Variants in LCMT1 observed in about 807,000 individuals in gnomAD.
The protein encoded by LCMT1 is leucine carboxyl methyltransferase 1, also known as [Phosphatase 2A protein]-leucine-carboxy methyltransferase 1.
A neutral mutation model predicts 47.7 loss-of-function variants in LCMT1; 32 were observed. The observed-to-expected ratio is 0.67, with a 90% CI of 0.51 to 0.90. LCMT1 has a LOEUF of 0.90. LCMT1 is among the 40% of genes least tolerant of loss of function. The pLI is 0.00. For missense variants in LCMT1, 375 were observed against 415.2 expected (o/e 0.90, Z 0.84); for synonymous variants, 152 against 149.7 (o/e 1.02, Z -0.11).
rs769982616 is a variant in LCMT1, at chr16:25,140,171, G to T, written c.328G>T (p.Asp110Tyr). 1.9e-6 allele frequency: 3 copies of T among 1,604,390 alleles called. No homozygotes were observed. The highest frequency in any genetic ancestry group is 2.6e-6 in the Non-Finnish European group (3 of 1,173,880). Residue 110 changes from aspartate to tyrosine, a missense_variant and splice_region_variant, in exon 4 of 11, where the codon GAT becomes TAT. By Grantham distance (160) the Asp-to-Tyr change is radical (BLOSUM62 -3). Transcript: ENST00000399069. ...AAAAGTATTGTGTGTTTTTCCCCAG[G>T]ATGAAGATCTTCTCCCAAGTAAATA... ...GMDTTFWRLK[D>Y]EDLLPSKYFE... is the part of the protein sequence containing the mutation.
intron 9 of LCMT1, among the ~76,000 whole-genome samples, chr16:25,173,555 A>G (rs1961838465): frequency 6.6e-6 from 1 of 152,212 alleles, no homozygotes; most frequent in South Asian, 2.1e-4. Flanking sequence ...TATAACAGAC[A>G]AGGCCTGGGC....
chr16:25,156,686 A>G (rs1431535741), intron 5 of LCMT1, among the ~76,000 whole-genome samples: 1 of 152,192 alleles, frequency 6.6e-6, no homozygotes, highest in Non-Finnish European at 1.5e-5. Context: ...TTTGGACTCC[A>G]TTCTAAAGGG....
At chr16:25,157,416 ATGG>A (rs762942812) in intron 5 of LCMT1, among the ~76,000 whole-genome samples, 2 of 152,034 alleles carry the variant, frequency 1.3e-5, no homozygotes, top group Non-Finnish European at 1.5e-5. Context: ...TTAGCCAGGC[ATGG>A]TGGTGCACGT....
intron 3 of LCMT1, among the ~76,000 whole-genome samples, chr16:25,139,163 G>A (rs998647191): frequency 4.5e-4 from 68 of 152,166 alleles, no homozygotes; most frequent in African/African-American, 1.6e-3. Context: ...GCCTGCCTCA[G>A]CCTCCCAAAG....
intron 4 of LCMT1, chr16:25,141,715 C>T (rs1174225520): frequency 4.6e-5 from 7 of 152,192 alleles, no homozygotes; most frequent in African/African-American, 1.7e-4. Context: ...GTAAGAACAA[C>T]AGATGTGGTT....
intron 4 of LCMT1, chr16:25,143,483 A>T (rs1476628707): frequency 6.6e-6 from 1 of 152,208 alleles, no homozygotes; most frequent in African/African-American, 2.4e-5. Flanking sequence ...GGGAGTCCAA[A>T]TTGAGAAATT....
intron 1 of LCMT1, among the ~76,000 whole-genome samples, chr16:25,123,742 G>A (rs1263379768): frequency 6.6e-6 from 1 of 150,950 alleles, no homozygotes; most frequent in Non-Finnish European, 1.5e-5. Flanking sequence ...CTTGTAGCTG[G>A]GATTACAGGC....
At chr16:25,125,438 C>T (rs1283348566) in intron 1 of LCMT1, among the ~76,000 whole-genome samples, 1 of 152,218 alleles carries the variant, frequency 6.6e-6, no homozygotes, top group Non-Finnish European at 1.5e-5. Context: ...GCCTTTTATA[C>T]TTGTCATCGC....
At chr16:25,163,955 A>G (rs1961512391) in intron 6 of LCMT1, among the ~76,000 whole-genome samples, 1 of 152,010 alleles carries the variant, frequency 6.6e-6, no homozygotes, top group African/African-American at 2.4e-5. Context: ...GCTTAGCTGG[A>G]TGGTTCTGCT....
intron 1 of LCMT1, among the ~76,000 whole-genome samples, chr16:25,116,584 T>C (rs1253928280): frequency 6.6e-6 from 1 of 151,978 alleles, no homozygotes; most frequent in African/African-American, 2.4e-5. Context: ...TCAGTGCCAC[T>C]CTTCTCTTTT....
chr16:25,137,743 G>C (rs1289244268), intron 3 of LCMT1, among the ~76,000 whole-genome samples: 1 of 148,554 alleles, frequency 6.7e-6, no homozygotes, highest in Non-Finnish European at 1.5e-5. Flanking sequence ...TGTACTTGGC[G>C]TCCTTTTTTG....
intron 5 of LCMT1, among the ~76,000 whole-genome samples, chr16:25,159,109 A>G (rs919650559): frequency 1.6e-4 from 25 of 152,242 alleles, no homozygotes; most frequent in African/African-American, 5.8e-4. Context: ...ACATGGTACT[A>G]GACTTCATGT....
chr16:25,151,886 G>A (rs1961093440), intron 5 of LCMT1, among the ~76,000 whole-genome samples: 1 of 151,972 alleles, frequency 6.6e-6, no homozygotes, highest in South Asian at 2.1e-4. Flanking sequence ...TGAAGGAGGG[G>A]CAAAAGGAGG....
At chr16:25,121,157 G>A (rs914012956) in intron 1 of LCMT1, among the ~76,000 whole-genome samples, 1 of 151,978 alleles carries the variant, frequency 6.6e-6, no homozygotes, top group South Asian at 2.1e-4. Flanking sequence ...GCCAGGCGTG[G>A]TGGCTCACGC....
intron 5 of LCMT1, among the ~76,000 whole-genome samples, chr16:25,154,031 A>G (rs1156675019): frequency 6.6e-6 from 1 of 151,734 alleles, no homozygotes; most frequent in Non-Finnish European, 1.5e-5. Context: ...ATTTTTTGAG[A>G]TGGAGTCTCC....
Position 25,111,850 on chromosome 16 carries a change from C to G in LCMT1, c.-34C>G, listed in dbSNP as rs1275810366. 6.8e-7 allele frequency: 1 copy of G among 1,479,562 alleles called. No individual in the cohort carries two copies. Among genetic ancestry groups the G allele is most frequent in the Non-Finnish European group, 9.4e-7 (1 of 1,064,668 alleles). 91.7% of individuals were successfully genotyped at this position (1,479,562 alleles called of 1,614,324 possible). On this transcript the variant is annotated 5_prime_UTR_variant, in exon 1 of 11. Coordinates refer to ENST00000399069, the MANE Select transcript of LCMT1 (RefSeq NM_016309.3). ...GCCCGTCGACCCCGCTTCCATGTCCCTGGCGGACACAGCTCCCAGGAACCT... is the reference window on the plus strand; with the variant it reads ...GCCCGTCGACCCCGCTTCCATGTCCGTGGCGGACACAGCTCCCAGGAACCT...
At chr16:25,126,780 C>T (rs927917332) in intron 1 of LCMT1, among the ~76,000 whole-genome samples, 1 of 152,198 alleles carries the variant, frequency 6.6e-6, no homozygotes, top group Admixed American at 6.5e-5. Context: ...GGGGCGAGTG[C>T]CTTCCTTGGG....
intron 4 of LCMT1, chr16:25,147,926 C>T (rs1050000125): frequency 2.0e-5 from 3 of 152,132 alleles, no homozygotes; most frequent in African/African-American, 7.2e-5. Flanking sequence ...TTCTTTAAAC[C>T]ATCTGATTTG....
chr16:25,175,489 A>C (rs1961903880), intron 10 of LCMT1, among the ~76,000 whole-genome samples: 1 of 149,368 alleles, frequency 6.7e-6, no homozygotes, highest in Non-Finnish European at 1.5e-5. Flanking sequence ...AAAAATAGCC[A>C]GGCGTGGTGG....
Sources: allele counts gnomAD v4.1 joint callset (sites outside exome capture counted in the v4.1 genomes callset), GRCh38; gene constraint gnomAD v4.1.1; transcripts MANE v1.5; gene names NCBI Gene and HGNC (gene_info 2026-07-23, HGNC 2026-07-21).